GLI2: variants seen among roughly 807,000 people sequenced by gnomAD.
The protein encoded by GLI2 is GLI family zinc finger 2, also known as transcription activator GLI2.
A neutral mutation model predicts 78.9 loss-of-function variants in GLI2; 22 were observed. That is an observed-to-expected ratio of 0.28 (90% CI 0.20 to 0.40). The LOEUF (loss-of-function observed/expected upper bound fraction) is 0.40. Ranked by LOEUF, GLI2 falls within the 10% of genes least tolerant of loss-of-function variation. The pLI, the probability that GLI2 is intolerant of heterozygous loss-of-function variation, is 1.00. For synonymous variants in GLI2, 974 were observed against 963.7 expected (o/e 1.01, Z -0.20); for missense variants, 2,097 against 2,213.2 (o/e 0.95, Z 1.05).
intron 3 of GLI2, among the ~76,000 whole-genome samples, chr2:120,937,066 T>A (rs998558361): frequency 6.6e-6 from 1 of 152,120 alleles, no homozygotes; most frequent in African/African-American, 2.4e-5. Context: ...GGACTGCACC[T>A]CTGAAATGTA....
intron 2 of GLI2, among the ~76,000 whole-genome samples, chr2:120,808,029 G>T (rs545379119): frequency 6.6e-6 from 1 of 152,238 alleles, no homozygotes; most frequent in South Asian, 2.1e-4. Flanking sequence ...TTTGTGTTTT[G>T]GGGGATTGTG....
chr2:120,937,149 T>C (rs984427741), intron 3 of GLI2, among the ~76,000 whole-genome samples: 16 of 152,216 alleles, frequency 1.1e-4, no homozygotes, highest in Non-Finnish European at 1.9e-4. Flanking sequence ...ATGTTCTTAA[T>C]GCTCGTTCCT....
rs201834541 is a variant in GLI2, at chr2:120,797,387, G to A, written c.67G>A (p.Ala23Thr). 1.7e-5 allele frequency: 27 copies of A among 1,613,606 alleles called. No homozygotes were observed. The African/African-American group carries it at 2.1e-4, about 13-fold the overall frequency. ...QEAKSGILEA[A>T]GFPDPGKKAS... ...AGCCAAAAGTGGGATCCTGGAGGCC[G>A]CTGGCTTCCCCGACCCGGGTAAAAA... Residue 23 changes from alanine to threonine, a missense_variant, in exon 2 of 14, where the codon GCT (alanine) becomes ACT (threonine). Ala to Thr is a moderately conservative substitution (Grantham distance 58). Coordinates refer to ENST00000361492, the MANE Select transcript of GLI2 (RefSeq NM_001374353.1).
chr2:120,827,690 G>C (rs931330370), intron 2 of GLI2, among the ~76,000 whole-genome samples: 1 of 152,212 alleles, frequency 6.6e-6, no homozygotes, highest in African/African-American at 2.4e-5. Flanking sequence ...GATACAGAGG[G>C]CTGTTATGCA....
rs1573664411 is a variant in GLI2 at position 120,953,450 on chromosome 2, A to C, written c.458-1795A>C. ...TGGCCTCCAGAACTGTGAGAGAATA[A>C]AGTTCTGTTGTTTTAACAACAGTTA... is the stretch of plus-strand genomic sequence containing the variant. On this transcript the variant is annotated intron_variant, in intron 4 of 13. Coordinates refer to ENST00000361492, the MANE Select transcript of GLI2 (RefSeq NM_001374353.1). Among the ~76,000 whole-genome samples the C allele has an allele frequency of 2.6e-5, 4 of 152,308 alleles. No individual in the cohort carries two copies. The South Asian group carries it at 6.2e-4, about 24-fold the overall frequency.
chr2:120,763,760 G>T (rs757748107), intron 1 of GLI2, among the ~76,000 whole-genome samples: 2 of 152,242 alleles, frequency 1.3e-5, no homozygotes, highest in African/African-American at 4.8e-5. Flanking sequence ...TCTCAGGACC[G>T]CTTTGCTGAA....
At chr2:120,766,289 A>G (rs1288799821) in intron 1 of GLI2, among the ~76,000 whole-genome samples, 1 of 152,186 alleles carries the variant, frequency 6.6e-6, no homozygotes, top group East Asian at 1.9e-4. Context: ...CCACCCAGAC[A>G]GTGTGAAGAG....
chr2:120,898,011 C>T (rs1019462798), intron 2 of GLI2, among the ~76,000 whole-genome samples: 10 of 152,054 alleles, frequency 6.6e-5, no homozygotes, highest in Non-Finnish European at 1.5e-5. Context: ...TGCTTTCCAC[C>T]GTTCAGAGGA....
intron 2 of GLI2, among the ~76,000 whole-genome samples, chr2:120,828,833 T>C (rs1686210322): frequency 6.9e-6 from 1 of 145,458 alleles, no homozygotes; most frequent in Admixed American, 7.1e-5. Context: ...TAAAATGGAT[T>C]CTCTGCTGAG....
At chr2:120,988,104 C>A in intron 13 of GLI2, 104 bp from the exon 14 acceptor site, 1 of 958,020 alleles carries the variant, frequency 1.0e-6, no homozygotes, top group Non-Finnish European at 1.5e-6. Context: ...CGCTGTGTTG[C>A]AAGCCCTCTT....
intron 2 of GLI2, among the ~76,000 whole-genome samples, chr2:120,879,844 C>G (rs1056747216): frequency 6.6e-6 from 1 of 152,182 alleles, no homozygotes; most frequent in Non-Finnish European, 1.5e-5. Context: ...CCGCGGGAGG[C>G]GGGCTCTTGA....
At chr2:120,882,712 C>G (rs373676162) in intron 2 of GLI2, among the ~76,000 whole-genome samples, 1 of 152,236 alleles carries the variant, frequency 6.6e-6, no homozygotes, top group South Asian at 2.1e-4. Context: ...TGGCATTACT[C>G]CAGAACCACT....
At chr2:120,784,280 G>A (rs1309670995) in intron 1 of GLI2, among the ~76,000 whole-genome samples, 1 of 152,226 alleles carries the variant, frequency 6.6e-6, no homozygotes, top group African/African-American at 2.4e-5. Flanking sequence ...GGCTAATAAG[G>A]GGCCATGTGG....
chr2:120,949,347 G>A (rs1052766080), intron 3 of GLI2, among the ~76,000 whole-genome samples: 7 of 152,260 alleles, frequency 4.6e-5, no homozygotes, highest in Non-Finnish European at 1.0e-4. Context: ...TGAGCTCAGT[G>A]GCTGGCACAC....
At chr2:120,953,911 G>A (rs915024589) in intron 4 of GLI2, among the ~76,000 whole-genome samples, 2 of 152,130 alleles carry the variant, frequency 1.3e-5, no homozygotes, top group South Asian at 2.1e-4. Context: ...TGGAGGAGAG[G>A]CCTTCGACGG....
At chr2:120,853,930 G>C (rs1283442244) in intron 2 of GLI2, among the ~76,000 whole-genome samples, 2 of 143,772 alleles carry the variant, frequency 1.4e-5, no homozygotes, top group Admixed American at 7.1e-5. Context: ...CAGCTTGGGG[G>C]TAACAGCCAA....
chr2:120,861,656 A>G (rs1429895157), intron 2 of GLI2, among the ~76,000 whole-genome samples: 1 of 152,196 alleles, frequency 6.6e-6, no homozygotes, highest in African/African-American at 2.4e-5. Flanking sequence ...GGCCCGTGGC[A>G]TTCTCCCAGC....
chr2:120,858,474 G>A lies in GLI2; in HGVS notation c.148+61006G>A, dbSNP rs532717379. On this transcript the variant is annotated intron_variant, in intron 2 of 13. Coordinates refer to ENST00000361492, the MANE Select transcript of GLI2 (RefSeq NM_001374353.1). The stretch of plus-strand genomic sequence containing the variant: ...GGGCCAAGCTAGTGAACAACAATGG[G>A]CAGCCTCTGATGTTTCTGGCCTCTC... Among the ~76,000 whole-genome samples the A allele has an allele frequency of 6.6e-5, 10 of 152,276 alleles. No individual in the cohort carries two copies. The South Asian group carries it at 1.5e-3, about 22-fold the overall frequency.
chr2:120,797,537 G>T (rs1289880021), intron 2 of GLI2, 69 bp downstream of exon 2: 3 of 1,458,852 alleles, frequency 2.1e-6, no homozygotes, highest in South Asian at 1.1e-5. Flanking sequence ...GATTTAATTA[G>T]AGTGGTGGCC....
Sources: gnomAD v4.1 joint callset for allele counts (sites outside exome capture counted in the v4.1 genomes callset) on GRCh38, gnomAD v4.1.1 for gene constraint, MANE v1.5 for transcripts, NCBI Gene and HGNC (gene_info 2026-07-23, HGNC 2026-07-21) for gene names.